Variants in CAD observed in about 807,000 individuals in gnomAD.
The protein encoded by CAD is multifunctional protein CAD.
CAD carries 81 observed loss-of-function variants against 237.2 expected under a neutral mutation model. The ratio of observed to expected loss-of-function variants is 0.34; its 90% CI spans 0.29 to 0.41. The LOEUF is 0.41. CAD is among the 10% of genes least tolerant of loss of function. The pLI, the probability that CAD is intolerant of heterozygous loss-of-function variation, is 1.00. For missense variants in CAD, 2,181 were observed against 2,951.7 expected (o/e 0.74, Z 6.05); for synonymous variants, 1,196 against 1,162.8 (o/e 1.03, Z -0.58).
rs1572453478 is a variant in CAD, at chr2:27,241,408, G to T, written c.5883+12G>T. 6.2e-7 allele frequency: 1 copy of T among 1,614,042 alleles called. No individual in the cohort carries two copies. Among genetic ancestry groups the T allele is most frequent in the South Asian group, 1.1e-5 (1 of 91,080 alleles). ...TCGACATCCTGAAGGTCAGGATCAGGGCCGGGGGTAGGGTCCAGGCCATCG... is the reference window on the plus strand; with the variant it reads ...TCGACATCCTGAAGGTCAGGATCAGTGCCGGGGGTAGGGTCCAGGCCATCG... On this transcript the variant is annotated intron_variant, in intron 38 of 43. Transcript: ENST00000264705. This position sits in a 1 kb window ranked among gnomAD's most constrained non-coding sequence, Gnocchi z 4.6.
At chr2:27,224,978 C>T (rs769856396) in intron 10 of CAD, 32 bp from the exon 11 acceptor site, 2 of 1,606,740 alleles carry the variant, frequency 1.2e-6, no homozygotes, top group Non-Finnish European at 1.7e-6. Context: ...CCACAAGGTT[C>T]TGATGCCTGT....
Position 27,241,370 on chromosome 2 carries a change from A to C in CAD, c.5857A>C (p.Lys1953Gln). Residue 1953 changes from lysine (K) to glutamine (Q), a missense_variant, in exon 38 of 44, where the codon AAG (lysine) becomes CAG (glutamine). Coordinates refer to ENST00000264705, the MANE Select transcript of CAD (RefSeq NM_004341.5). This position sits in a 1 kb window ranked among gnomAD's most constrained non-coding sequence, Gnocchi z 4.6. The part of the protein sequence containing the change: ...VAHTLRMMVQ[K>Q]ERSLDILKGK... Reference sequence around the variant, plus strand: ...ACACACACTGCGTATGATGGTGCAGAAGGAGCGGAGCCTCGACATCCTGAA... The same window carrying C: ...ACACACACTGCGTATGATGGTGCAGCAGGAGCGGAGCCTCGACATCCTGAA... The C allele has an allele frequency of 6.2e-7, 1 of 1,614,180 alleles. No individual in the cohort carries two copies. Among genetic ancestry groups the C allele is most frequent in the Non-Finnish European group, 8.5e-7 (1 of 1,180,022 alleles).
Position 27,242,459 on chromosome 2 carries a change from C to T in CAD, c.6222+32C>T, listed in dbSNP as rs761132464. 1 of 1,605,690 alleles carries T rather than the reference C, an allele frequency of 6.2e-7. No homozygotes were observed. Among genetic ancestry groups the T allele is most frequent in the Non-Finnish European group, 8.5e-7 (1 of 1,174,494 alleles). The stretch of plus-strand genomic sequence containing the variant: ...GTGGTGGCAGGGTTTGGATCCCTGC[C>T]AGGGGACGATCTAGAGAGGGAGGCA... On this transcript the variant is annotated intron_variant, in intron 40 of 43. Transcript: ENST00000264705. The surrounding 1 kb of genome is among the most constrained non-coding windows in gnomAD (Gnocchi z 6.4).
chr2:27,224,354 G>A lies in CAD; in HGVS notation c.1118G>A (p.Arg373Gln), dbSNP rs779009526. ...GNPGGQTVRE[R>Q]LTERLCPPGI... ...TTCTTTGCTTCCACAGTTAGAGAGC[G>A]GCTGACTGAGCGCCTCTGTCCCCCT... Residue 373 changes from arginine (R) to glutamine (Q), a missense_variant, in exon 9 of 44, where the codon CGG becomes CAG. Physicochemically the swap from Arg to Gln is conservative, Grantham distance 43. Around this residue, in one of 12 missense-constraint regions of CAD, gnomAD observed 129 missense variants for 143.3 expected, o/e 0.90. Transcript: ENST00000264705. 212 of 1,614,048 alleles carry A rather than the reference G, an allele frequency of 1.3e-4. No individual in the cohort carries two copies. Among genetic ancestry groups the A allele is most frequent in the Non-Finnish European group, 1.7e-4 (196 of 1,180,022 alleles).
rs61741874 is a variant in CAD at position 27,239,783 on chromosome 2, T to C, written c.5481T>C (p.Thr1827=). The C allele has an allele frequency of 0.062, 96,149 of 1,562,410 alleles. 3,290 individuals carry two copies. Among genetic ancestry groups the C allele is most frequent in the African/African-American group, 0.11 (8,003 of 72,980 alleles). ...AGCTCCCACCCTCAGCCCCTGCCAC[T>C]AGTGAGATGACCACGGTATCCACAC... The part of the protein sequence containing the change: ...VPQLPPSAPA[T]SEMTTTPERP... The change falls in exon 34 of 44, where the codon ACT becomes ACC. Residue 1827 remains threonine (T), a synonymous_variant. Coordinates refer to ENST00000264705, the MANE Select transcript of CAD (RefSeq NM_004341.5). The surrounding 1 kb of genome is among the most constrained non-coding windows in gnomAD (Gnocchi z 4.0).
chr2:27,226,013 T>C (rs1675431122), intron 12 of CAD, 87 bp downstream of exon 12: 4 of 1,499,898 alleles, frequency 2.7e-6, no homozygotes, highest in Non-Finnish European at 2.8e-6. Flanking sequence ...CTTTGAGAGT[T>C]GTATGTCCCT....
chr2:27,231,660 A>G lies in CAD; in HGVS notation c.2400+80A>G, dbSNP rs544134414. 52 of 851,652 alleles carry G rather than the reference A, an allele frequency of 6.1e-5. No homozygotes were observed. The African/African-American group carries it at 8.4e-4, about 14-fold the overall frequency. The allele number at this position is 851,652 out of a possible 1,614,324, so 52.8% of individuals were successfully genotyped here. ...GCCCCCAGACCATGAGCTTGTTACC[A>G]GTAACACTAGCAGCAGTCATCATTG... On this transcript the variant is annotated intron_variant, in intron 16 of 43. Coordinates refer to ENST00000264705, the MANE Select transcript of CAD (RefSeq NM_004341.5).
chr2:27,220,169 C>T (rs967965074), intron 2 of CAD, among the ~76,000 whole-genome samples: 3 of 152,176 alleles, frequency 2.0e-5, no homozygotes, highest in Non-Finnish European at 4.4e-5. Flanking sequence ...GTCTGACTGA[C>T]ACCATGTGCC....
intron 12 of CAD, 98 bp from the exon 13 acceptor site, chr2:27,226,033 G>A: frequency 1.3e-6 from 2 of 1,485,484 alleles, no homozygotes; most frequent in Non-Finnish European, 9.4e-7. Context: ...TCAGACCCAG[G>A]TTAGGTGCAG....
chr2:27,223,596 G>T lies in CAD; in HGVS notation c.843G>T (p.Leu281Phe). Residue 281 changes from leucine (L) to phenylalanine (F), a missense_variant, in exon 7 of 44, where the codon TTG becomes TTT. Physicochemically the swap from Leu to Phe is conservative, Grantham distance 22. Around this residue, in one of 12 missense-constraint regions of CAD, gnomAD observed 129 missense variants for 143.3 expected, o/e 0.90. Transcript: ENST00000264705. ...ACCGAGGCCATAACCAGCCCTGCTT[G>T]TTGGTGGGCTCTGGGCGCTGCTTTC... is the stretch of plus-strand genomic sequence containing the variant. ...YGNRGHNQPC[L>F]LVGSGRCFLT... 1 of 1,613,528 alleles carries T rather than the reference G, an allele frequency of 6.2e-7. No homozygotes were observed. Among genetic ancestry groups the T allele is most frequent in the Non-Finnish European group, 8.5e-7 (1 of 1,180,034 alleles).
chr2:27,223,847 T>C, intron 7 of CAD, 70 bp from the exon 8 acceptor site: 1 of 1,542,774 alleles, frequency 6.5e-7, no homozygotes, highest in African/African-American at 1.4e-5. Context: ...CCTGTCCCAC[T>C]ACCCACCTCG....
chr2:27,240,876 A>G lies in CAD; in HGVS notation c.5594-35A>G, dbSNP rs1558545003. 6.2e-7 allele frequency: 1 copy of G among 1,611,960 alleles called. No individual in the cohort carries two copies. The highest frequency in any genetic ancestry group is 2.2e-5 in the East Asian group (1 of 44,868). On this transcript the variant is annotated intron_variant, in intron 35 of 43. Transcript: ENST00000264705. The surrounding 1 kb of genome is among the most constrained non-coding windows in gnomAD (Gnocchi z 4.6). ...TGGGGTTTCTTTCCAAACCTCAGCC[A>G]TAAATGTATATCTGTCCTCTTGTCC...
intron 12 of CAD, 63 bp downstream of exon 12, chr2:27,225,989 G>A (rs994395926): frequency 6.4e-7 from 1 of 1,550,590 alleles, no homozygotes; most frequent in Non-Finnish European, 8.9e-7. Flanking sequence ...AAGAGCAGAG[G>A]CCCAGGCCAA....
chr2:27,234,473 G>A, intron 22 of CAD, 45 bp from the exon 23 acceptor site: 2 of 1,594,894 alleles, frequency 1.3e-6, no homozygotes, highest in South Asian at 1.1e-5. Flanking sequence ...GATAGTGTCA[G>A]CAAGGCCAAC....
chr2:27,232,574 C>T lies in CAD; in HGVS notation c.2772C>T (p.Thr924=), dbSNP rs1191389801. 1.9e-6 allele frequency: 3 copies of T among 1,614,210 alleles called. No individual in the cohort carries two copies. The highest frequency in any genetic ancestry group is 1.7e-6 in the Non-Finnish European group (2 of 1,180,040). The part of the protein sequence containing the change: ...TNYLYLTYWG[T]THDLTFRTPH... ...ACCTATACCTAACGTATTGGGGCAC[C>T]ACCCATGACCTCACCTTTCGAACAC... is the stretch of plus-strand genomic sequence containing the variant. Residue 924 remains threonine (T), a synonymous_variant, in exon 18 of 44, where the codon ACC becomes ACT. Transcript: ENST00000264705. The surrounding 1 kb of genome is among the most constrained non-coding windows in gnomAD (Gnocchi z 4.1).
At position 27,236,225 on chromosome 2, in the gene CAD, G is replaced by C. The variant is rs1675994752; in HGVS notation, c.4075-59G>C. ...CCTGGGCCAGCTCCTCTCCCTTAAGGCTAGCCTTCCTGACCGCTGCCAGAC... is the reference window on the plus strand; with the variant it reads ...CCTGGGCCAGCTCCTCTCCCTTAAGCCTAGCCTTCCTGACCGCTGCCAGAC... On this transcript the variant is annotated intron_variant, in intron 25 of 43. Coordinates refer to ENST00000264705, the MANE Select transcript of CAD (RefSeq NM_004341.5). This position sits in a 1 kb window ranked among gnomAD's most constrained non-coding sequence, Gnocchi z 4.1. 6.3e-7 allele frequency: 1 copy of C among 1,592,516 alleles called. No homozygotes were observed. Among genetic ancestry groups the C allele is most frequent in the Non-Finnish European group, 8.6e-7 (1 of 1,168,072 alleles).
At position 27,243,858 on chromosome 2, in the gene CAD, C is replaced by A; in HGVS notation, c.*340C>A. 3.8e-6 allele frequency: 1 copy of A among 263,680 alleles called. No homozygotes were observed. Among genetic ancestry groups the A allele is most frequent in the Non-Finnish European group, 7.3e-6 (1 of 137,066 alleles). 16.3% of individuals were successfully genotyped at this position (263,680 alleles called of 1,614,324 possible). The stretch of plus-strand genomic sequence containing the variant: ...TTCCCAAATTATAAGAGCAGCCTCA[C>A]CAGGCAGGGCTCTGGCTAGGGCTGC... On this transcript the variant is annotated 3_prime_UTR_variant, in exon 44 of 44. Transcript: ENST00000264705.
At chr2:27,220,441 G>A (rs971399568) in intron 2 of CAD, among the ~76,000 whole-genome samples, 2 of 151,848 alleles carry the variant, frequency 1.3e-5, no homozygotes, top group Non-Finnish European at 2.9e-5. Flanking sequence ...TTGAGCCCAG[G>A]AAGTTTGAGA....
chr2:27,226,986 C>T (rs751416247), intron 15 of CAD, 24 bp downstream of exon 15: 2 of 1,611,628 alleles, frequency 1.2e-6, no homozygotes, highest in Non-Finnish European at 1.7e-6. Flanking sequence ...CCTGGGCACC[C>T]CCATGGGGCC....
Sources: allele counts gnomAD v4.1 joint callset (sites outside exome capture counted in the v4.1 genomes callset), GRCh38; gene constraint gnomAD v4.1.1; regional missense constraint gnomAD v4.1.1; non-coding constraint Gnocchi (gnomAD v3.1); transcripts MANE v1.5; gene names NCBI Gene and HGNC (gene_info 2026-07-23, HGNC 2026-07-21).